ELP4: variants seen among roughly 807,000 people sequenced by gnomAD.
ELP4 encodes elongator acetyltransferase complex subunit 4.
ELP4 carries 51 observed loss-of-function variants against 48.9 expected under a neutral mutation model. That is an observed-to-expected ratio of 1.04 (90% CI 0.83 to 1.32). The LOEUF (loss-of-function observed/expected upper bound fraction) is 1.32, where lower values mean the gene tolerates loss of function less well. ELP4 is among the 40% of genes most tolerant of loss of function. The pLI is 0.00. For synonymous variants in ELP4, 210 were observed against 189.2 expected, an observed-to-expected ratio of 1.11 and a Z score of -0.90; for missense variants, 519 against 514.6, an observed-to-expected ratio of 1.01 and a Z score of -0.08.
intron 9 of ELP4, among the ~76,000 whole-genome samples, chr11:31,774,490 G>A (rs563962291): frequency 1.1e-4 from 16 of 152,192 alleles, no homozygotes; most frequent in Non-Finnish European, 2.1e-4. Flanking sequence ...TGGGCTGCAG[G>A]TAGTCCCTTC....
Position 31,787,159 on chromosome 11 carries a change from G to A in ELP4, c.*3635G>A. On this transcript the variant is annotated 3_prime_UTR_variant, in exon 10 of 10. Coordinates refer to ENST00000640961, the MANE Select transcript of ELP4 (RefSeq NM_019040.5). ...TGGAAGGACAGCTCATGTCCCTAGG[G>A]TGTGGGCAGAAGGCAAGGCAGCCGT... The A allele has an allele frequency of 4.3e-6, 1 of 232,778 alleles. No homozygotes were observed. The highest frequency in any genetic ancestry group is 6.0e-5 in the East Asian group (1 of 16,546). 14.4% of individuals were successfully genotyped at this position (232,778 alleles called of 1,614,324 possible). A position where few individuals can be genotyped will look rare whatever the true frequency, so the allele number is the denominator to read the frequency against.
intron 9 of ELP4, among the ~76,000 whole-genome samples, chr11:31,675,799 A>G (rs1347108576): frequency 6.6e-6 from 1 of 152,030 alleles, no homozygotes; most frequent in Admixed American, 6.5e-5. Context: ...AACAATTACT[A>G]TTTACCCAAC....
At chr11:31,637,816 G>C (rs1178149459) in intron 7 of ELP4, among the ~76,000 whole-genome samples, 2 of 151,890 alleles carry the variant, frequency 1.3e-5, no homozygotes, top group African/African-American at 4.8e-5. Flanking sequence ...TCAATTCCCA[G>C]TAACAGTTGT....
intron 9 of ELP4, among the ~76,000 whole-genome samples, chr11:31,773,511 C>G (rs1172581827): frequency 6.6e-6 from 1 of 152,102 alleles, no homozygotes; most frequent in East Asian, 1.9e-4. Flanking sequence ...GTTAGTAAAT[C>G]CCACTGCCAC....
intron 9 of ELP4, among the ~76,000 whole-genome samples, chr11:31,768,991 G>A (rs952818638): frequency 3.9e-5 from 6 of 152,106 alleles, no homozygotes; most frequent in Admixed American, 2.6e-4. Flanking sequence ...CCTAGCAATG[G>A]GGATTTTCTA....
At chr11:31,713,817 G>A (rs1309849332) in intron 9 of ELP4, among the ~76,000 whole-genome samples, 11 of 152,126 alleles carry the variant, frequency 7.2e-5, no homozygotes, top group Admixed American at 7.2e-4. Context: ...ATAAACCCCT[G>A]TGGACCTATC....
At chr11:31,679,286 GTCT>G (rs1360268433) in intron 9 of ELP4, among the ~76,000 whole-genome samples, 2 of 152,146 alleles carry the variant, frequency 1.3e-5, no homozygotes, top group African/African-American at 4.8e-5. Flanking sequence ...TATACCACAT[GTCT>G]TGATTATGGT....
chr11:31,584,680 ATTTTTTGTAT>A (rs1957445962), intron 3 of ELP4, among the ~76,000 whole-genome samples: 2 of 151,912 alleles, frequency 1.3e-5, no homozygotes, highest in Admixed American at 1.3e-4. Context: ...CGCACCCGCC[ATTTTTTGTAT>A]TTTTTTGTAT....
At position 31,550,860 on chromosome 11, in the gene ELP4, G is replaced by T. The variant is rs183811747; in HGVS notation, c.381+11077G>T. The stretch of plus-strand genomic sequence containing the variant: ...AGAAGGTCAACAAACAAAATGCCTT[G>T]AGCATCCCAAAAAGCTATTGTCATG... On this transcript the variant is annotated intron_variant, in intron 3 of 9. Transcript: ENST00000640961. 1.4e-3 allele frequency among the ~76,000 whole-genome samples: 211 copies of T among 152,214 alleles called. 2 individuals are homozygous for T. The highest frequency in any genetic ancestry group is 4.9e-3 in the African/African-American group (204 of 41,550).
intron 7 of ELP4, 198 bp from the exon 8 acceptor site, chr11:31,647,543 C>CT: frequency 2.2e-6 from 1 of 457,440 alleles, no homozygotes; most frequent in Non-Finnish European, 3.9e-6. Context: ...AATAGCATGA[C>CT]TACATGGGCC....
chr11:31,568,467 C>T (rs1365112874), intron 3 of ELP4, among the ~76,000 whole-genome samples: 1 of 151,994 alleles, frequency 6.6e-6, no homozygotes, highest in African/African-American at 2.4e-5. Context: ...TACAAAGAGC[C>T]CAAAGCAATC....
At chr11:31,727,478 CTTTG>C (rs1439925231) in intron 9 of ELP4, among the ~76,000 whole-genome samples, 7 of 152,160 alleles carry the variant, frequency 4.6e-5, no homozygotes, top group East Asian at 3.9e-4. Context: ...AGGACATTTC[CTTTG>C]TTTGTAAATT....
chr11:31,769,354 C>T (rs548746554), intron 9 of ELP4, among the ~76,000 whole-genome samples: 1 of 152,266 alleles, frequency 6.6e-6, no homozygotes, highest in South Asian at 2.1e-4. Context: ...GAAATCAACA[C>T]GTTCATGTAT....
intron 9 of ELP4, among the ~76,000 whole-genome samples, chr11:31,695,156 C>T (rs990804398): frequency 5.3e-5 from 8 of 152,118 alleles, no homozygotes; most frequent in Non-Finnish European, 1.0e-4. Flanking sequence ...ATTTCTTTCT[C>T]CTGCCTGATT....
rs749305106 is a variant in ELP4, at chr11:31,789,823, G to A, written c.*6299G>A. 6.8e-5 allele frequency: 64 copies of A among 937,066 alleles called. 1 individual carries two copies. Among genetic ancestry groups the A allele is most frequent in the Non-Finnish European group, 9.5e-5 (56 of 588,296 alleles). The allele number at this position is 937,066 out of a possible 1,614,324, so 58.0% of individuals were successfully genotyped here. A position where few individuals can be genotyped will look rare whatever the true frequency, so the allele number is the denominator to read the frequency against. On this transcript the variant is annotated 3_prime_UTR_variant, in exon 10 of 10. Transcript: ENST00000640961. ...CAGGACACAATTGTAGAACTGAAGC[G>A]GCTCTAACAGCCATTTTTCTTTCTT...
At position 31,632,362 on chromosome 11, in the gene ELP4, C is replaced by G. The variant is rs368506926; in HGVS notation, c.884C>G (p.Ser295Cys). The change falls in exon 7 of 10, where the codon TCT becomes TGT. Residue 295 changes from serine to cysteine, a missense_variant. Coordinates refer to ENST00000640961, the MANE Select transcript of ELP4 (RefSeq NM_019040.5). ...LYVLRGLLRT[S>C]LSACIITMPT... ...GTTCTCCGTGGTCTTCTGAGAACCT[C>G]TCTTTCAGCCTGCATCATCACAATG... is the stretch of plus-strand genomic sequence containing the variant. The G allele has an allele frequency of 7.4e-6, 12 of 1,612,502 alleles. No individual in the cohort carries two copies. The highest frequency in any genetic ancestry group is 5.0e-5 in the Admixed American group (3 of 59,688).
chr11:31,554,324 T>C (rs548163516), intron 3 of ELP4, among the ~76,000 whole-genome samples: 16 of 152,286 alleles, frequency 1.1e-4, no homozygotes, highest in African/African-American at 3.8e-4. Context: ...GTTAAAGGAT[T>C]CTCTTGCTCT....
At chr11:31,547,963 A>G (rs1002073874) in intron 3 of ELP4, among the ~76,000 whole-genome samples, 15 of 152,210 alleles carry the variant, frequency 9.9e-5, no homozygotes, top group African/African-American at 3.6e-4. Context: ...CTCTCAATAA[A>G]TTAGGTATTG....
intron 3 of ELP4, among the ~76,000 whole-genome samples, chr11:31,591,164 T>C (rs556213462): frequency 8.5e-5 from 13 of 152,242 alleles, no homozygotes; most frequent in African/African-American, 2.9e-4. Context: ...CCCAGCACTT[T>C]AGGAGACCAA....
Sources: allele counts gnomAD v4.1 joint callset (sites outside exome capture counted in the v4.1 genomes callset), GRCh38; gene constraint gnomAD v4.1.1; transcripts MANE v1.5; gene names NCBI Gene and HGNC (gene_info 2026-07-23, HGNC 2026-07-21).